The following TRPM3 variants were observed in gnomAD, a reference collection of about 807,000 sequenced individuals.
TRPM3 encodes long transient receptor potential channel 3.
In TRPM3, 77 loss-of-function variants were observed where a neutral mutation model predicts 181.2. The ratio of observed to expected loss-of-function variants is 0.42; its 90% CI spans 0.35 to 0.51. The LOEUF (loss-of-function observed/expected upper bound fraction) is 0.51. Ranked by LOEUF, TRPM3 falls within the 20% of genes least tolerant of loss-of-function variation. TRPM3 has a pLI of 0.01. For missense variants in TRPM3, 1,759 were observed against 2,196.7 expected, an observed-to-expected ratio of 0.80 and a Z score of 3.98; for synonymous variants, 745 against 796.4, an observed-to-expected ratio of 0.94 and a Z score of 1.09.
chr9:71,273,753 G>A (rs1484886242), intron 1 of TRPM3, among the ~76,000 whole-genome samples: 2 of 152,218 alleles, frequency 1.3e-5, no homozygotes, highest in Non-Finnish European at 2.9e-5. Context: ...ACTTTTTAAT[G>A]TTTGCTCCTG....
intron 12 of TRPM3, among the ~76,000 whole-genome samples, chr9:70,632,658 G>C (rs577572890): frequency 6.6e-6 from 1 of 152,120 alleles, no homozygotes; most frequent in East Asian, 1.9e-4. Flanking sequence ...AAATTTGCAA[G>C]TAAATGGTAA....
intron 1 of TRPM3, among the ~76,000 whole-genome samples, chr9:70,949,069 T>C (rs534094012): frequency 6.6e-6 from 1 of 152,182 alleles, no homozygotes; most frequent in Non-Finnish European, 1.5e-5. Flanking sequence ...TTACAGGCTG[T>C]GCATGGAAAT....
intron 1 of TRPM3, among the ~76,000 whole-genome samples, chr9:70,886,077 C>A (rs554930552): frequency 6.6e-6 from 1 of 152,208 alleles, no homozygotes; most frequent in South Asian, 2.1e-4. Context: ...AGGATGTTAA[C>A]CATCAACATT....
intron 1 of TRPM3, among the ~76,000 whole-genome samples, chr9:70,961,896 A>G (rs961221208): frequency 9.9e-5 from 15 of 152,198 alleles, no homozygotes; most frequent in Non-Finnish European, 2.1e-4. Context: ...ACTGCTTCAT[A>G]GAATTAAAAC....
At chr9:70,949,558 T>A (rs1254572503) in intron 1 of TRPM3, among the ~76,000 whole-genome samples, 2 of 151,768 alleles carry the variant, frequency 1.3e-5, no homozygotes, top group Non-Finnish European at 2.9e-5. Flanking sequence ...TTTTTTTTTT[T>A]AGTGATGGGG....
intron 4 of TRPM3, among the ~76,000 whole-genome samples, chr9:70,844,356 T>C (rs1442726944): frequency 6.6e-6 from 1 of 152,178 alleles, no homozygotes; most frequent in Non-Finnish European, 1.5e-5. Flanking sequence ...TGTTGAGCTA[T>C]TCAACAGTGT....
chr9:70,844,132 T>C (rs575280615), intron 4 of TRPM3, among the ~76,000 whole-genome samples: 2 of 152,308 alleles, frequency 1.3e-5, no homozygotes, highest in African/African-American at 4.8e-5. Context: ...GTCAGTGCCT[T>C]ATTCATCTTC....
At chr9:70,936,322 A>G (rs955664439) in intron 1 of TRPM3, among the ~76,000 whole-genome samples, 7 of 152,234 alleles carry the variant, frequency 4.6e-5, no homozygotes, top group African/African-American at 1.2e-4. Flanking sequence ...ACTTCATTCA[A>G]TTCCATGTAT....
At chr9:71,309,423 G>A (rs922603765) in intron 1 of TRPM3, among the ~76,000 whole-genome samples, 1 of 152,096 alleles carries the variant, frequency 6.6e-6, no homozygotes, top group Non-Finnish European at 1.5e-5. Flanking sequence ...AGGCAAAATG[G>A]ACATATCTCA....
chr9:71,368,768 C>T (rs12006326), intron 1 of TRPM3, among the ~76,000 whole-genome samples: 34,167 of 152,038 alleles, frequency 0.22, 4,203 homozygotes, highest in Middle Eastern at 0.31. Context: ...TATAACAAAA[C>T]GAAATCTTTT....
At chr9:70,589,003 G>A (rs756039643) in intron 22 of TRPM3, among the ~76,000 whole-genome samples, 9 of 152,156 alleles carry the variant, frequency 5.9e-5, no homozygotes, top group Admixed American at 2.0e-4. Context: ...TCAGAACATC[G>A]AAAAGGAAGG....
At chr9:71,409,983 C>A (rs1193970810) in intron 1 of TRPM3, among the ~76,000 whole-genome samples, 2 of 152,172 alleles carry the variant, frequency 1.3e-5, no homozygotes, top group African/African-American at 4.8e-5. Flanking sequence ...TGCATGGAAA[C>A]TGAACAACCT....
chr9:71,082,989 T>A (rs1282595711), intron 1 of TRPM3, among the ~76,000 whole-genome samples: 1 of 152,108 alleles, frequency 6.6e-6, no homozygotes, highest in African/African-American at 2.4e-5. Context: ...ATTTCTAGCA[T>A]GTCCCAAATA....
At chr9:71,243,937 T>G (rs976027953) in intron 1 of TRPM3, among the ~76,000 whole-genome samples, 1 of 152,138 alleles carries the variant, frequency 6.6e-6, no homozygotes, top group Non-Finnish European at 1.5e-5. Flanking sequence ...TTTAAGTTCT[T>G]GAATTCCTCT....
intron 7 of TRPM3, among the ~76,000 whole-genome samples, chr9:70,776,763 G>A (rs1477216318): frequency 1.3e-5 from 2 of 152,202 alleles, no homozygotes; most frequent in African/African-American, 4.8e-5. Context: ...AGAAGGTACA[G>A]AGGGCTTGTG....
chr9:70,661,979 A>G (rs2061201306), intron 9 of TRPM3, among the ~76,000 whole-genome samples: 1 of 152,204 alleles, frequency 6.6e-6, no homozygotes, highest in Non-Finnish European at 1.5e-5. Context: ...TACTAAGCTG[A>G]AAGTACAAAT....
chr9:70,571,212 G>T (rs1189770785), intron 22 of TRPM3, among the ~76,000 whole-genome samples: 1 of 152,136 alleles, frequency 6.6e-6, no homozygotes, highest in Non-Finnish European at 1.5e-5. Flanking sequence ...GGCCAACATG[G>T]GTTCAAGTCT....
At chr9:70,644,542 T>C (rs1390036485) in intron 9 of TRPM3, among the ~76,000 whole-genome samples, 1 of 152,174 alleles carries the variant, frequency 6.6e-6, no homozygotes, top group African/African-American at 2.4e-5. Context: ...AAACTAGGTA[T>C]TGATGGAATG....
chr9:71,042,220 G>A (rs1279001748), intron 1 of TRPM3, among the ~76,000 whole-genome samples: 1 of 151,952 alleles, frequency 6.6e-6, no homozygotes, highest in Non-Finnish European at 1.5e-5. Flanking sequence ...AAAGGTGAGG[G>A]AAAGGGCAAT....
Sources: allele counts gnomAD v4.1 joint callset (sites outside exome capture counted in the v4.1 genomes callset), GRCh38; gene constraint gnomAD v4.1.1; transcripts MANE v1.5; gene names NCBI Gene and HGNC (gene_info 2026-07-23, HGNC 2026-07-21).